The following FOXP1 variants were observed in gnomAD, a reference collection of about 807,000 sequenced individuals.
The protein encoded by FOXP1 is forkhead box protein P1.
Under a neutral mutation model 98.2 loss-of-function variants are expected in FOXP1, and 15 were observed. The ratio of observed to expected loss-of-function variants is 0.15; its 90% CI spans 0.10 to 0.24. FOXP1 has a LOEUF of 0.24. Ranked by LOEUF, FOXP1 falls within the 10% of genes least tolerant of loss-of-function variation. The probability of loss-of-function intolerance (pLI) is 1.00; values close to 1 mark genes in which losing one functional copy is unlikely to be tolerated. For missense variants in FOXP1, 633 were observed against 848.5 expected, an observed-to-expected ratio of 0.75 and a Z score of 3.15; for synonymous variants, 371 against 314.5, an observed-to-expected ratio of 1.18 and a Z score of -1.90.
intron 3 of FOXP1, among the ~76,000 whole-genome samples, chr3:71,456,894 T>C (rs1324246113): frequency 6.6e-6 from 1 of 152,026 alleles, no homozygotes. Context: ...GTTATTGCTA[T>C]AGAAAATGCC....
intron 7 of FOXP1, among the ~76,000 whole-genome samples, chr3:71,056,586 C>A (rs2050677625): frequency 6.6e-6 from 1 of 152,132 alleles, no homozygotes; most frequent in Non-Finnish European, 1.5e-5. Flanking sequence ...TCTGAATAAT[C>A]AGAAGTGGGC....
intron 19 of FOXP1, among the ~76,000 whole-genome samples, chr3:70,967,639 C>CTT (rs2035106156): frequency 1.2e-5 from 1 of 81,512 alleles, no homozygotes; most frequent in African/African-American, 4.9e-5. Context: ...TTCTTTCTTT[C>CTT]TTTTTGTTTT....
chr3:71,352,893 G>A (rs1373568175), intron 4 of FOXP1, among the ~76,000 whole-genome samples: 1 of 152,160 alleles, frequency 6.6e-6, no homozygotes, highest in Non-Finnish European at 1.5e-5. Flanking sequence ...CATACATACA[G>A]ATAAACCTAA....
chr3:71,397,362 T>C (rs568870101), intron 3 of FOXP1, among the ~76,000 whole-genome samples: 2 of 152,186 alleles, frequency 1.3e-5, no homozygotes, highest in South Asian at 2.1e-4. Context: ...TGGATGAGCA[T>C]TTATAATCTG....
chr3:71,357,324 A>C (rs545180461), intron 4 of FOXP1, among the ~76,000 whole-genome samples: 15 of 152,360 alleles, frequency 9.8e-5, no homozygotes, highest in Non-Finnish European at 2.1e-4. Flanking sequence ...TGGCACTTTC[A>C]GTAAGAATAT....
intron 7 of FOXP1, among the ~76,000 whole-genome samples, chr3:71,077,008 T>C (rs186655867): frequency 5.4e-4 from 82 of 152,386 alleles, no homozygotes; most frequent in Admixed American, 7.8e-4. Flanking sequence ...CATAAAGTTA[T>C]GGAGCATGGG....
intron 13 of FOXP1, among the ~76,000 whole-genome samples, chr3:70,999,940 G>A (rs1201444149): frequency 6.6e-6 from 1 of 152,034 alleles, no homozygotes; most frequent in Admixed American, 6.6e-5. Context: ...CTAACCTCTT[G>A]CCTACACTAG....
At chr3:71,448,536 A>G (rs1217446414) in intron 3 of FOXP1, among the ~76,000 whole-genome samples, 1 of 152,200 alleles carries the variant, frequency 6.6e-6, no homozygotes, top group Admixed American at 6.6e-5. Flanking sequence ...GTTGTTATTG[A>G]CCTGTGAACT....
chr3:71,084,554 T>C (rs1186271416), intron 7 of FOXP1, among the ~76,000 whole-genome samples: 2 of 152,226 alleles, frequency 1.3e-5, no homozygotes, highest in East Asian at 1.9e-4. Flanking sequence ...TTGTAATACA[T>C]ACATTCTGGA....
At chr3:71,544,766 T>C (rs184241615) in intron 2 of FOXP1, among the ~76,000 whole-genome samples, 10 of 152,302 alleles carry the variant, frequency 6.6e-5, no homozygotes, top group Admixed American at 3.3e-4. Context: ...ATCACAACTG[T>C]TGTAAGTTAC....
chr3:71,079,483 C>T (rs1253174745), intron 7 of FOXP1, among the ~76,000 whole-genome samples: 1 of 152,190 alleles, frequency 6.6e-6, no homozygotes, highest in African/African-American at 2.4e-5. Context: ...ATTAACTCTT[C>T]CCCATCCTCC....
At chr3:71,186,031 T>A (rs2062623404) in intron 6 of FOXP1, among the ~76,000 whole-genome samples, 1 of 152,258 alleles carries the variant, frequency 6.6e-6, no homozygotes, top group South Asian at 2.1e-4. Flanking sequence ...TTGTAAGAAC[T>A]TTTCATGTTA....
intron 5 of FOXP1, among the ~76,000 whole-genome samples, chr3:71,205,393 C>T (rs931607958): frequency 3.9e-5 from 6 of 152,098 alleles, no homozygotes; most frequent in Non-Finnish European, 8.8e-5. Context: ...TATGTATTAT[C>T]AACTTTATCA....
At chr3:71,549,517 G>A (rs915055980) in intron 2 of FOXP1, among the ~76,000 whole-genome samples, 1 of 152,130 alleles carries the variant, frequency 6.6e-6, no homozygotes, top group Non-Finnish European at 1.5e-5. Flanking sequence ...TGGGATCACA[G>A]GCATACACCA....
At chr3:71,052,498 G>A (rs774240842) in intron 9 of FOXP1, 39 bp downstream of exon 9, 2 of 888,356 alleles carry the variant, frequency 2.3e-6, no homozygotes, top group Non-Finnish European at 3.9e-6. Context: ...TAGTCCTCTG[G>A]GATCTGTGGT....
chr3:71,117,647 T>A (rs1388400502), intron 6 of FOXP1, among the ~76,000 whole-genome samples: 1 of 152,098 alleles, frequency 6.6e-6, no homozygotes, highest in Non-Finnish European at 1.5e-5. Context: ...ATTTCTCTTT[T>A]AAGAAGCAAG....
chr3:71,228,032 G>C (rs1404849244), intron 5 of FOXP1, among the ~76,000 whole-genome samples: 1 of 135,128 alleles, frequency 7.4e-6, no homozygotes, highest in Non-Finnish European at 1.6e-5. Flanking sequence ...GGGGGCGGGG[G>C]AGGTGTCCAG....
In FOXP1 at chr3:71,496,623, C is replaced by A. The variant is rs181728353; in HGVS notation, c.-297-3068G>T. On this transcript the variant is annotated intron_variant, in intron 2 of 20. Transcript: ENST00000649528. ...GATCACGAGGTCAGGAGATCAAGAC[C>A]ACACTGGCCAACATGGTGAAAATCC... Among the ~76,000 whole-genome samples, 469 of 152,196 alleles carry A rather than the reference C, an allele frequency of 3.1e-3. 3 individuals are homozygous for A. Among genetic ancestry groups the A allele is most frequent in the African/African-American group, 0.011 (455 of 41,520 alleles).
At chr3:71,397,456 T>G (rs1026760331) in intron 3 of FOXP1, among the ~76,000 whole-genome samples, 1 of 152,248 alleles carries the variant, frequency 6.6e-6, no homozygotes, top group African/African-American at 2.4e-5. Context: ...TTCTTTGGAT[T>G]GTTCAACAAA....
Sources: allele counts gnomAD v4.1 joint callset (sites outside exome capture counted in the v4.1 genomes callset), GRCh38; gene constraint gnomAD v4.1.1; transcripts MANE v1.5; gene names NCBI Gene and HGNC (gene_info 2026-07-23, HGNC 2026-07-21).